Variants in USP34 observed in about 807,000 individuals in gnomAD.
The protein encoded by USP34 is ubiquitin specific peptidase 34, also known as ubiquitin carboxyl-terminal hydrolase 34.
Under a neutral mutation model 460.3 loss-of-function variants are expected in USP34, and 70 were observed. That is an observed-to-expected ratio of 0.15 (90% confidence interval 0.13 to 0.19). USP34 has a LOEUF of 0.19. Among genes scored for constraint, USP34 ranks in the 10% least tolerant of loss-of-function variants. USP34 has a pLI of 1.00. For missense variants in USP34, 3,985 were observed against 4,236.2 expected, an observed-to-expected ratio of 0.94 and a Z score of 1.65; for synonymous variants, 1,647 against 1,405.3, an observed-to-expected ratio of 1.17 and a Z score of -3.85.
chr2:61,413,748 C>T (rs1358443325), intron 2 of USP34, among the ~76,000 whole-genome samples: 9 of 145,518 alleles, frequency 6.2e-5, no homozygotes, highest in African/African-American at 1.0e-4. Context: ...GAGGCCAAGG[C>T]GGGTGGATTG....
chr2:61,267,360 T>A (rs959119338), intron 41 of USP34, among the ~76,000 whole-genome samples: 1 of 152,158 alleles, frequency 6.6e-6, no homozygotes, highest in Non-Finnish European at 1.5e-5. Flanking sequence ...ACCTCTTTCA[T>A]CTATTGTTAA....
At position 61,251,247 on chromosome 2, in the gene USP34, T is replaced by C. The variant is rs542095352; in HGVS notation, c.6222-2564A>G. Among the ~76,000 whole-genome samples the C allele has an allele frequency of 5.3e-5, 8 of 152,378 alleles. No individual in the cohort carries two copies. The South Asian group carries it at 1.7e-3, about 32-fold the overall frequency. On this transcript the variant is annotated intron_variant, in intron 48 of 79. Coordinates refer to ENST00000398571, the MANE Select transcript of USP34 (RefSeq NM_014709.4). ...ATAAATATCTGAATACAAACAATTTTACTAGTCTTGATGTAGTACTGTAAA... is the reference window on the plus strand; with the variant it reads ...ATAAATATCTGAATACAAACAATTTCACTAGTCTTGATGTAGTACTGTAAA...
chr2:61,303,601 C>CT lies in USP34; in HGVS notation c.3818-2148dup, dbSNP rs891997196. The stretch of plus-strand genomic sequence containing the variant: ...GGATGGACAGAAATTCTGTATTAAA[C>CT]TTTTTTTTTTTTTGAGACAGAGTCT... On this transcript the variant is annotated intron_variant, in intron 27 of 79. Transcript: ENST00000398571. Among the ~76,000 whole-genome samples the CT allele has an allele frequency of 3.7e-3, 533 of 145,740 alleles. 2 individuals are homozygous for CT. Among genetic ancestry groups the CT allele is most frequent in the African/African-American group, 6.7e-3 (268 of 40,060 alleles).
intron 19 of USP34, among the ~76,000 whole-genome samples, chr2:61,332,272 C>A (rs150565357): frequency 1.3e-5 from 2 of 152,066 alleles, no homozygotes; most frequent in Non-Finnish European, 2.9e-5. Context: ...ATATTAAGTG[C>A]TGCTATACAT....
intron 23 of USP34, 96 bp from the exon 24 acceptor site, chr2:61,315,070 C>A (rs772899246): frequency 1.2e-6 from 1 of 820,530 alleles, no homozygotes; most frequent in Non-Finnish European, 1.9e-6. Context: ...TAGGCAACTC[C>A]TATTATTCAG....
chr2:61,387,494 A>G (rs1693184802), intron 5 of USP34, among the ~76,000 whole-genome samples: 1 of 149,934 alleles, frequency 6.7e-6, no homozygotes, highest in South Asian at 2.1e-4. Flanking sequence ...TGTGTGTGTG[A>G]GTGTATATAT....
At chr2:61,395,806 A>T (rs1693504394) in intron 3 of USP34, among the ~76,000 whole-genome samples, 1 of 136,268 alleles carries the variant, frequency 7.3e-6, no homozygotes, top group Non-Finnish European at 1.5e-5. Flanking sequence ...AAAAAAAAAA[A>T]AAAAATCCCA....
chr2:61,231,298 G>C (rs1572854699), intron 58 of USP34, among the ~76,000 whole-genome samples: 1 of 151,926 alleles, frequency 6.6e-6, no homozygotes, highest in East Asian at 1.9e-4. Context: ...TTTTTGGTGG[G>C]GGGTGGGGGT....
intron 43 of USP34, among the ~76,000 whole-genome samples, chr2:61,260,736 C>T (rs1011673455): frequency 3.3e-5 from 5 of 151,896 alleles, no homozygotes; most frequent in African/African-American, 9.7e-5. Flanking sequence ...TTCCATATTA[C>T]GAAAAAAGTC....
At position 61,189,045 on chromosome 2, in the gene USP34, G is replaced by T. The variant is rs781601287; in HGVS notation, c.9898C>A (p.Leu3300Met). The T allele has an allele frequency of 6.2e-7, 1 of 1,613,630 alleles. No individual in the cohort carries two copies. The change falls in exon 79 of 80, where the codon CTG (leucine) becomes ATG (methionine). Residue 3300 changes from leucine (L) to methionine (M), a missense_variant. Physicochemically the swap from Leu to Met is conservative, Grantham distance 15 (BLOSUM62 2). Transcript: ENST00000398571. Reference protein sequence around the residue: ...NGDLRALALLLSVHTPKQLNP... With the variant: ...NGDLRALALLMSVHTPKQLNP... Reference sequence around the variant, plus strand: ...AACTGTTTGGGAGTGTGTACTGACAGGAGCAAAGCGAGTGCCCTCAGGTCC... The same window carrying T: ...AACTGTTTGGGAGTGTGTACTGACATGAGCAAAGCGAGTGCCCTCAGGTCC...
chr2:61,444,683 G>C (rs1474658700), intron 1 of USP34, among the ~76,000 whole-genome samples: 1 of 152,138 alleles, frequency 6.6e-6, no homozygotes, highest in African/African-American at 2.4e-5. Flanking sequence ...GCTAGGGTGG[G>C]AGGGCCAGCT....
intron 10 of USP34, among the ~76,000 whole-genome samples, chr2:61,368,359 G>C (rs997837963): frequency 3.9e-5 from 6 of 152,024 alleles, no homozygotes. Flanking sequence ...TTGAACCCGG[G>C]AGGCAGAGGT....
chr2:61,256,379 CA>C lies in USP34; in HGVS notation c.6221+4del. 1 of 1,604,440 alleles carries C rather than the reference CA, an allele frequency of 6.2e-7. No homozygotes were observed. Among genetic ancestry groups the C allele is most frequent in the Non-Finnish European group, 8.5e-7 (1 of 1,172,448 alleles). On this transcript the variant is annotated splice_donor_region_variant and intron_variant, in intron 48 of 79. Transcript: ENST00000398571. The stretch of plus-strand genomic sequence containing the variant: ...ATAATAAAAATCACATTTGAAAAAG[CA>C]TACCTTTTTTCAGCTCGTACTTTCT...
intron 68 of USP34, among the ~76,000 whole-genome samples, chr2:61,212,867 ATAT>A (rs1284928201): frequency 6.6e-6 from 1 of 152,192 alleles, no homozygotes; most frequent in Non-Finnish European, 1.5e-5. Flanking sequence ...ACTAGATCAA[ATAT>A]TATTTATGTG....
chr2:61,408,246 A>T (rs1411101239), intron 2 of USP34, among the ~76,000 whole-genome samples: 1 of 152,228 alleles, frequency 6.6e-6, no homozygotes, highest in Non-Finnish European at 1.5e-5. Flanking sequence ...CAACACCTTG[A>T]CTAAAACATT....
At chr2:61,231,296 G>T (rs904259034) in intron 58 of USP34, among the ~76,000 whole-genome samples, 3 of 151,738 alleles carry the variant, frequency 2.0e-5, no homozygotes, top group African/African-American at 7.3e-5. Context: ...TTTTTTTGGT[G>T]GGGGGTGGGG....
At chr2:61,445,255 GCCGGGC>G (rs1451047433) in intron 1 of USP34, among the ~76,000 whole-genome samples, 1 of 147,632 alleles carries the variant, frequency 6.8e-6, no homozygotes, top group Non-Finnish European at 1.5e-5. Flanking sequence ...AAAAATGCTG[GCCGGGC>G]CCGGTGGCTC....
At chr2:61,315,074 T>A in intron 23 of USP34, 100 bp from the exon 24 acceptor site, 1 of 763,478 alleles carries the variant, frequency 1.3e-6, no homozygotes, top group Non-Finnish European at 2.1e-6. Context: ...CAACTCCTAT[T>A]ATTCAGCTAT....
intron 21 of USP34, among the ~76,000 whole-genome samples, 176 bp downstream of exon 21, chr2:61,325,199 G>A (rs1258695690): frequency 6.6e-6 from 1 of 150,932 alleles, no homozygotes; most frequent in Non-Finnish European, 1.5e-5. Flanking sequence ...CTACCAGTAC[G>A]CAATACTGGT....
Sources: allele counts gnomAD v4.1 joint callset (sites outside exome capture counted in the v4.1 genomes callset), GRCh38; gene constraint gnomAD v4.1.1; transcripts MANE v1.5; gene names NCBI Gene and HGNC (gene_info 2026-07-23, HGNC 2026-07-21).